The following LAIR1 variants were observed in gnomAD, a reference collection of about 807,000 sequenced individuals.
The protein encoded by LAIR1 is leukocyte associated immunoglobulin like receptor 1.
Under a neutral mutation model 32.8 loss-of-function variants are expected in LAIR1, and 24 were observed. That is an observed-to-expected ratio of 0.73 (90% CI 0.53 to 1.03). The LOEUF is 1.03. LAIR1 is among the 50% of genes least tolerant of loss of function. The pLI is 0.00. For missense variants in LAIR1, 355 were observed against 347.5 expected (o/e 1.02, Z -0.17); for synonymous variants, 150 against 140.5 (o/e 1.07, Z -0.48).
chr19:54,355,098 T>C lies in LAIR1; in HGVS notation c.*170A>G. On this transcript the variant is annotated 3_prime_UTR_variant, in exon 10 of 10. Coordinates refer to ENST00000391742, the MANE Select transcript of LAIR1 (RefSeq NM_002287.6). This position sits in a 1 kb window ranked among gnomAD's most constrained non-coding sequence, Gnocchi z 4.7. ...AAGGGACCACCTGGCTAACGAACCT[T>C]CTGGATGCTGGTTAGAAACCTCCAG... is the stretch of plus-strand genomic sequence containing the variant. The C allele has an allele frequency of 1.6e-6, 1 of 624,838 alleles. No homozygotes were observed. Among genetic ancestry groups the C allele is most frequent in the South Asian group, 2.2e-5 (1 of 46,126 alleles). 38.7% of individuals were successfully genotyped at this position (624,838 alleles called of 1,614,324 possible). A position where few individuals can be genotyped will look rare whatever the true frequency, so the allele number is the denominator to read the frequency against.
At chr19:54,366,558 G>A (rs1025534419), upstream of LAIR1, among the ~76,000 whole-genome samples, 4 of 151,832 alleles carry the variant, frequency 2.6e-5, no homozygotes, top group South Asian at 2.1e-4. Context: ...GTGCGATCTC[G>A]GCTCCCTGCA....
chr19:54,373,597 T>C (rs2082456534), upstream of LAIR1, among the ~76,000 whole-genome samples: 1 of 152,046 alleles, frequency 6.6e-6, no homozygotes, highest in Non-Finnish European at 1.5e-5. Context: ...GGGAACAGGG[T>C]CAAATAGCAA....
chr19:54,365,898 T>C (rs896572966), upstream of LAIR1, among the ~76,000 whole-genome samples: 6 of 152,014 alleles, frequency 3.9e-5, no homozygotes, highest in Admixed American at 1.3e-4. Flanking sequence ...ATAGAATAAT[T>C]GATATAGAAA....
In LAIR1 at chr19:54,358,338, G is replaced by T. The variant is rs187970059; in HGVS notation, c.416-1372C>A. 811 of 168,160 alleles carry T rather than the reference G, an allele frequency of 4.8e-3. 33 individuals carry two copies. The highest frequency in any genetic ancestry group is 0.02 in the African/African-American group (771 of 39,416). 10.4% of individuals were successfully genotyped at this position (168,160 alleles called of 1,614,324 possible). A position where few individuals can be genotyped will look rare whatever the true frequency, so the allele number is the denominator to read the frequency against. ...ATAATATACACTATAGTCATATGTA[G>T]TGATACACTAACATGTTTTATTATA... On this transcript the variant is annotated intron_variant, in intron 4 of 9. Coordinates refer to ENST00000391742, the MANE Select transcript of LAIR1 (RefSeq NM_002287.6).
chr19:54,367,333 A>G (rs926254709), upstream of LAIR1, among the ~76,000 whole-genome samples: 3 of 152,328 alleles, frequency 2.0e-5, no homozygotes, highest in African/African-American at 7.2e-5. Flanking sequence ...AGAGTTCTGC[A>G]TGTTACAGTC....
At chr19:54,375,304 T>C, upstream of LAIR1, among the ~76,000 whole-genome samples, 1 of 152,054 alleles carries the variant, frequency 6.6e-6, no homozygotes, top group East Asian at 1.9e-4. Context: ...CAAGGGAAAG[T>C]CCAGGAAGAA....
At chr19:54,375,874 G>A in the LAIR1 span, among the ~76,000 whole-genome samples, 3 of 151,752 alleles carry the variant, frequency 2.0e-5, no homozygotes, top group Non-Finnish European at 2.9e-5. Context: ...CATATTAACC[G>A]TAGATTTTAA....
chr19:54,365,792 A>T (rs577329894), upstream of LAIR1, among the ~76,000 whole-genome samples: 1 of 152,086 alleles, frequency 6.6e-6, no homozygotes, highest in South Asian at 2.1e-4. Flanking sequence ...AAAAAAAAAA[A>T]AAAAATCAGT....
In LAIR1 at chr19:54,352,896, T is replaced by G. The variant is rs60056748; in HGVS notation, c.*2372A>C. 1 of 152,024 alleles carries G rather than the reference T, an allele frequency of 6.6e-6. No individual in the cohort carries two copies. The highest frequency in any genetic ancestry group is 2.1e-4 in the South Asian group (1 of 4,826). The allele number at this position is 152,024 out of a possible 1,614,324, so 9.4% of individuals were successfully genotyped here. A position where few individuals can be genotyped will look rare whatever the true frequency, so the allele number is the denominator to read the frequency against. On this transcript the variant is annotated 3_prime_UTR_variant, in exon 10 of 10. Coordinates refer to ENST00000391742, the MANE Select transcript of LAIR1 (RefSeq NM_002287.6). ...AAAGACGGCTGGACGCAGTGGCTCA[T>G]GCCTGTAATCCCAGGACTTTGGGAG...
At chr19:54,375,326 G>T (rs1310811727), upstream of LAIR1, among the ~76,000 whole-genome samples, 1 of 152,114 alleles carries the variant, frequency 6.6e-6, no homozygotes, top group African/African-American at 2.4e-5. Flanking sequence ...GCATGGTAAG[G>T]GGCACCGTGC....
At position 54,351,742 on chromosome 19, in the gene LAIR1, C is replaced by G. The variant is rs2081536068; in HGVS notation, c.*3526G>C. The G allele has an allele frequency of 6.7e-6, 1 of 148,998 alleles. No individual in the cohort carries two copies. Among genetic ancestry groups the G allele is most frequent in the Admixed American group, 6.8e-5 (1 of 14,772 alleles). 9.2% of individuals were successfully genotyped at this position (148,998 alleles called of 1,614,324 possible). A position where few individuals can be genotyped will look rare whatever the true frequency, so the allele number is the denominator to read the frequency against. On this transcript the variant is annotated 3_prime_UTR_variant, in exon 10 of 10. Coordinates refer to ENST00000391742, the MANE Select transcript of LAIR1 (RefSeq NM_002287.6). The stretch of plus-strand genomic sequence containing the variant: ...AGACTGTGAGGTTTGGTGTATTCAT[C>G]CAGAGAGAGTGTTTTAAATGGGGCT...
At position 54,355,109 on chromosome 19, in the gene LAIR1, G is replaced by A. The variant is rs948414195; in HGVS notation, c.*159C>T. ...TGGCTAACGAACCTTCTGGATGCTG[G>A]TTAGAAACCTCCAGTCTCCAGCTCT... On this transcript the variant is annotated 3_prime_UTR_variant, in exon 10 of 10. Transcript: ENST00000391742. This position sits in a 1 kb window ranked among gnomAD's most constrained non-coding sequence, Gnocchi z 4.7. The A allele has an allele frequency of 8.8e-6, 6 of 682,798 alleles. No homozygotes were observed. The highest frequency in any genetic ancestry group is 1.5e-5 in the Non-Finnish European group (6 of 404,444). 42.3% of individuals were successfully genotyped at this position (682,798 alleles called of 1,614,324 possible).
At position 54,356,480 on chromosome 19, in the gene LAIR1, CT is replaced by C. The variant is rs776728584; in HGVS notation, c.583+10del. The C allele has an allele frequency of 6.2e-7, 1 of 1,613,904 alleles. No individual in the cohort carries two copies. Among genetic ancestry groups the C allele is most frequent in the East Asian group, 2.2e-5 (1 of 44,868 alleles). ...CTTCCCAGGTCACCCCACCCTGCCC[CT>C]GAGACCTACCCTGCTTTATCTGATT... is the stretch of plus-strand genomic sequence containing the variant. On this transcript the variant is annotated intron_variant, in intron 6 of 9. Transcript: ENST00000391742.
upstream of LAIR1, among the ~76,000 whole-genome samples, chr19:54,372,530 A>AT (rs2082433240): frequency 7.2e-6 from 1 of 137,938 alleles, no homozygotes; most frequent in Non-Finnish European, 1.5e-5. Flanking sequence ...TCACTCTGTC[A>AT]CCCAGGCTGG....
rs2081715981 is a variant in LAIR1 at position 54,356,501 on chromosome 19, C to G, written c.573G>C (p.Gln191His). The G allele has an allele frequency of 6.2e-7, 1 of 1,614,022 alleles. No individual in the cohort carries two copies. Among genetic ancestry groups the G allele is most frequent in the Non-Finnish European group, 8.5e-7 (1 of 1,179,996 alleles). ...GCCCCTGAGACCTACCCTGCTTTAT[C>G]TGATTCTGGCGATGGAGGCAGAAGA... ...LVLFCLHRQN[Q>H]IKQGPPRSKD... The change falls in exon 6 of 10, where the codon CAG (glutamine) becomes CAC (histidine). Residue 191 changes from glutamine (Q) to histidine (H), a missense_variant. By Grantham distance (24) the Gln-to-His change is conservative. Coordinates refer to ENST00000391742, the MANE Select transcript of LAIR1 (RefSeq NM_002287.6).
At chr19:54,356,291 C>T in intron 7 of LAIR1, 24 bp from the exon 8 acceptor site, 1 of 1,611,998 alleles carries the variant, frequency 6.2e-7, no homozygotes, top group Non-Finnish European at 8.5e-7. Context: ...TAAAAGTGAA[C>T]CTCAGGGGCA....
At chr19:54,359,289 TGGTCACAGATCACAGGG>T in intron 4 of LAIR1, among the ~76,000 whole-genome samples, 1 of 151,882 alleles carries the variant, frequency 6.6e-6, no homozygotes, top group Non-Finnish European at 1.5e-5. Context: ...TGGGAGTTTC[TGGTCACAGATCACAGGG>T]GGAGATGGAC....
chr19:54,370,463 C>T (rs2082377057), exon 1 of LAIR1: 1 of 485,326 alleles, frequency 2.1e-6, no homozygotes, highest in African/African-American at 2.1e-5. Context: ...GAGACCAGGT[C>T]CTCGGAACAG....
rs1409096899 is a variant in LAIR1, at chr19:54,355,570, G to C, written c.718-156C>G. ...AGCCCTCCCACAGGGTATTGGGGTT[G>C]GTTTACGTGACAATGAACAAGGCAG... On this transcript the variant is annotated intron_variant, in intron 9 of 9. Transcript: ENST00000391742. This position sits in a 1 kb window ranked among gnomAD's most constrained non-coding sequence, Gnocchi z 4.7. Among the ~76,000 whole-genome samples the C allele has an allele frequency of 6.6e-6, 1 of 152,156 alleles. No individual in the cohort carries two copies. The highest frequency in any genetic ancestry group is 1.5e-5 in the Non-Finnish European group (1 of 68,006).
Sources: gnomAD v4.1 joint callset for allele counts (sites outside exome capture counted in the v4.1 genomes callset) on GRCh38, gnomAD v4.1.1 for gene constraint, Gnocchi (gnomAD v3.1) non-coding constraint, MANE v1.5 for transcripts, NCBI Gene and HGNC (gene_info 2026-07-23, HGNC 2026-07-21) for gene names.